Variants in TNR observed in about 807,000 individuals in gnomAD.
The protein encoded by TNR is tenascin R.
TNR carries 45 observed loss-of-function variants against 150.4 expected under a neutral mutation model. That is an observed-to-expected ratio of 0.30 (90% CI 0.24 to 0.38). The LOEUF is 0.38. TNR is among the 10% of genes least tolerant of loss of function. TNR has a pLI of 1.00. For synonymous variants in TNR, 687 were observed against 678.4 expected (o/e 1.01, Z -0.20); for missense variants, 1,544 against 1,759.1 (o/e 0.88, Z 2.19).
Position 175,507,179 on chromosome 1 carries a change from C to T in TNR, c.-64+21090G>A, listed in dbSNP as rs534551873. Among the ~76,000 whole-genome samples the T allele has an allele frequency of 1.6e-4, 24 of 152,226 alleles. 1 individual carries two copies. The highest frequency in any genetic ancestry group is 1.0e-3 in the Admixed American group (16 of 15,298). On this transcript the variant is annotated intron_variant, in intron 2 of 22. Transcript: ENST00000367674. The stretch of plus-strand genomic sequence containing the variant: ...TCCCTCTGCAGTGGTGCGTGTGCCC[C>T]GCTGGGGGTGGAGAGCAGGGGCAGT...
rs374254892 is a variant in TNR at position 175,330,133 on chromosome 1, G to A, written c.3734C>T (p.Ser1245Phe). 6.2e-7 allele frequency: 1 copy of A among 1,613,218 alleles called. No individual in the cohort carries two copies. The highest frequency in any genetic ancestry group is 8.5e-7 in the Non-Finnish European group (1 of 1,179,342). Residue 1245 changes from serine (S) to phenylalanine (F), a missense_variant, in exon 21 of 23, where the codon TCT becomes TTT. Physicochemically the swap from Ser to Phe is radical, Grantham distance 155. Coordinates refer to ENST00000367674, the MANE Select transcript of TNR (RefSeq NM_003285.3). ...EAAFASYDRF[S>F]VEDSRNLYKL... ...GTACAGGTTTCTGCTGTCCTCGACA[G>A]AGAACCTGTCGTAGGAGGCGAAGGC...
chr1:175,597,705 G>A (rs1267639069), intron 1 of TNR, among the ~76,000 whole-genome samples: 5 of 152,174 alleles, frequency 3.3e-5, no homozygotes, highest in South Asian at 4.1e-4. Flanking sequence ...GGAAATGTGG[G>A]GGCATGGGGG....
At chr1:175,673,009 A>C (rs1311889251) in intron 1 of TNR, among the ~76,000 whole-genome samples, 1 of 152,194 alleles carries the variant, frequency 6.6e-6, no homozygotes, top group Admixed American at 6.5e-5. Flanking sequence ...GCTGAGCAGC[A>C]TCCTCTGACC....
intron 21 of TNR, 97 bp downstream of exon 21, chr1:175,329,977 T>C (rs764061893): frequency 2.0e-5 from 26 of 1,289,152 alleles, no homozygotes; most frequent in Non-Finnish European, 2.7e-5. Context: ...TGGAACTCTG[T>C]GGGTGCTGCT....
chr1:175,690,341 T>C (rs1558074756), intron 1 of TNR, among the ~76,000 whole-genome samples: 1 of 152,222 alleles, frequency 6.6e-6, no homozygotes, highest in Admixed American at 6.5e-5. Flanking sequence ...GAACATATGA[T>C]CTGGTGACAA....
chr1:175,710,491 G>A (rs1408556074), intron 1 of TNR, among the ~76,000 whole-genome samples: 3 of 152,112 alleles, frequency 2.0e-5, no homozygotes, highest in Admixed American at 6.5e-5. Context: ...CTGGCCCTAC[G>A]GTTGATAGCT....
chr1:175,473,314 A>C (rs1237804857), intron 2 of TNR, among the ~76,000 whole-genome samples: 2 of 152,176 alleles, frequency 1.3e-5, no homozygotes, highest in Non-Finnish European at 2.9e-5. Context: ...CATCACATCA[A>C]ATGCATGCAC....
intron 1 of TNR, among the ~76,000 whole-genome samples, chr1:175,546,802 G>A (rs1186091329): frequency 1.3e-5 from 2 of 152,036 alleles, no homozygotes; most frequent in Non-Finnish European, 2.9e-5. Context: ...AAAGATATGC[G>A]GGCAAGGGAA....
chr1:175,350,682 T>A (rs780425219), intron 18 of TNR, among the ~76,000 whole-genome samples: 3 of 152,176 alleles, frequency 2.0e-5, no homozygotes, highest in Non-Finnish European at 4.4e-5. Flanking sequence ...AGGGAAGACA[T>A]CTTGATCAAA....
At chr1:175,506,406 T>C (rs1025958583) in intron 2 of TNR, among the ~76,000 whole-genome samples, 1 of 152,194 alleles carries the variant, frequency 6.6e-6, no homozygotes, top group African/African-American at 2.4e-5. Flanking sequence ...CCCAGATTCA[T>C]ATGTTGAAGT....
At chr1:175,703,092 A>G (rs1165372842) in intron 1 of TNR, among the ~76,000 whole-genome samples, 2 of 152,184 alleles carry the variant, frequency 1.3e-5, no homozygotes, top group African/African-American at 4.8e-5. Flanking sequence ...GAAGACAAAA[A>G]TAAGTATTCT....
chr1:175,593,575 G>A (rs1258952156), intron 1 of TNR, among the ~76,000 whole-genome samples: 2 of 152,164 alleles, frequency 1.3e-5, no homozygotes, highest in South Asian at 2.1e-4. Context: ...TTGGAAACTA[G>A]CATTGTTTGA....
chr1:175,378,491 C>A (rs1036869604), intron 9 of TNR, among the ~76,000 whole-genome samples: 4 of 152,130 alleles, frequency 2.6e-5, no homozygotes, highest in African/African-American at 9.7e-5. Flanking sequence ...TGGAAACTGG[C>A]AAGATGAAGC....
rs757942972 is a variant in TNR, at chr1:175,403,277, G to A, written c.839C>T (p.Thr280Ile). 6.2e-7 allele frequency: 1 copy of A among 1,614,080 alleles called. No individual in the cohort carries two copies. Among genetic ancestry groups the A allele is most frequent in the Admixed American group, 1.7e-5 (1 of 60,012 alleles). Residue 280 changes from threonine (T) to isoleucine (I), a missense_variant, in exon 4 of 23, where the codon ACC becomes ATC. Thr to Ile is a moderately conservative substitution (Grantham distance 89, BLOSUM62 -1). Transcript: ENST00000367674. ...CSGKGRCANG[T>I]CLCEEGYVGE... is the part of the protein sequence containing the mutation. The stretch of plus-strand genomic sequence containing the variant: ...AACGTAGCCCTCCTCGCATAAACAG[G>A]TACCGTTGGCACATCTCCCCTTCCC...
intron 1 of TNR, among the ~76,000 whole-genome samples, chr1:175,627,343 C>T (rs1664185863): frequency 6.6e-6 from 1 of 152,128 alleles, no homozygotes; most frequent in African/African-American, 2.4e-5. Flanking sequence ...GTTTATAAAA[C>T]TTGTTCTCAT....
At chr1:175,622,389 G>C (rs1412497689) in intron 1 of TNR, among the ~76,000 whole-genome samples, 5 of 152,160 alleles carry the variant, frequency 3.3e-5, no homozygotes, top group African/African-American at 1.2e-4. Flanking sequence ...AGGTGACCTG[G>C]TCCCTCCTTC....
At chr1:175,695,885 C>T (rs1365497299) in intron 1 of TNR, among the ~76,000 whole-genome samples, 1 of 152,140 alleles carries the variant, frequency 6.6e-6, no homozygotes, top group African/African-American at 2.4e-5. Flanking sequence ...GCTGTTTTTA[C>T]TTATCTCTGT....
In TNR at chr1:175,700,992, C is replaced by T. The variant is rs532903152; in HGVS notation, c.-165+42234G>A. Among the ~76,000 whole-genome samples the T allele has an allele frequency of 2.2e-3, 341 of 152,332 alleles. 2 individuals carry two copies. Among genetic ancestry groups the T allele is most frequent in the Non-Finnish European group, 4.1e-3 (280 of 68,022 alleles). ...AGCCCCTGCCAGTTTGTACTTTCAC[C>T]ACAAACTGCACCCTTGACTTCCCTT... On this transcript the variant is annotated intron_variant, in intron 1 of 22. Transcript: ENST00000367674.
intron 1 of TNR, among the ~76,000 whole-genome samples, chr1:175,597,177 G>A (rs544665627): frequency 6.6e-6 from 1 of 152,328 alleles, no homozygotes; most frequent in South Asian, 2.1e-4. Context: ...TGCGAGGCAG[G>A]TGATGACAAG....
Sources: allele counts gnomAD v4.1 joint callset (sites outside exome capture counted in the v4.1 genomes callset), GRCh38; gene constraint gnomAD v4.1.1; transcripts MANE v1.5; gene names NCBI Gene and HGNC (gene_info 2026-07-23, HGNC 2026-07-21).